Variants in PCLO observed in about 807,000 individuals in gnomAD.
The protein encoded by PCLO is protein piccolo.
PCLO carries 82 observed loss-of-function variants against 427.5 expected under a neutral mutation model. The observed-to-expected ratio is 0.19, with a 90% CI of 0.16 to 0.23. The LOEUF (loss-of-function observed/expected upper bound fraction) is 0.23. PCLO is among the 10% of genes least tolerant of loss of function. PCLO has a pLI of 1.00. For missense variants in PCLO, 6,239 were observed against 6,115.9 expected (o/e 1.02, Z -0.67); for synonymous variants, 2,357 against 2,155.4 (o/e 1.09, Z -2.59).
intron 16 of PCLO, among the ~76,000 whole-genome samples, chr7:82,830,747 T>C (rs554080353): frequency 6.6e-6 from 1 of 152,026 alleles, no homozygotes; most frequent in South Asian, 2.1e-4. Flanking sequence ...TGCAAACCCA[T>C]GTACTATCAC....
intron 6 of PCLO, among the ~76,000 whole-genome samples, chr7:82,923,647 T>A (rs1048531742): frequency 3.3e-5 from 5 of 152,084 alleles, no homozygotes; most frequent in African/African-American, 1.2e-4. Flanking sequence ...TTAATTACAA[T>A]GTTGCACTCC....
intron 3 of PCLO, among the ~76,000 whole-genome samples, chr7:83,096,798 T>A (rs1166833875): frequency 2.0e-5 from 2 of 97,686 alleles, no homozygotes; most frequent in Non-Finnish European, 3.6e-5. Flanking sequence ...TATATAAAAA[T>A]ATATTAATAT....
chr7:82,787,360 T>A (rs1471806095), intron 22 of PCLO, among the ~76,000 whole-genome samples: 1 of 152,210 alleles, frequency 6.6e-6, no homozygotes, highest in Non-Finnish European at 1.5e-5. Context: ...TTTCTTCATG[T>A]GTTTATTGGC....
At chr7:83,035,937 C>T (rs924590484) in intron 3 of PCLO, among the ~76,000 whole-genome samples, 8 of 152,124 alleles carry the variant, frequency 5.3e-5, no homozygotes, top group African/African-American at 1.9e-4. Context: ...CTCTAGCTTG[C>T]TGAAGGCTAT....
chr7:83,115,829 T>C (rs939365280), intron 3 of PCLO, among the ~76,000 whole-genome samples: 1 of 152,056 alleles, frequency 6.6e-6, no homozygotes, highest in Non-Finnish European at 1.5e-5. Flanking sequence ...CACAGTTCTA[T>C]AGATTAATAC....
chr7:83,139,544 T>C (rs1791813283), intron 2 of PCLO, among the ~76,000 whole-genome samples: 1 of 152,202 alleles, frequency 6.6e-6, no homozygotes, highest in African/African-American at 2.4e-5. Context: ...TTTATAAATG[T>C]ACATGGATAT....
At position 83,162,676 on chromosome 7, in the gene PCLO, G is replaced by T. The variant is rs995853860; in HGVS notation, c.-84C>A. On this transcript the variant is annotated 5_prime_UTR_variant, in exon 1 of 25. Coordinates refer to ENST00000333891, the MANE Select transcript of PCLO (RefSeq NM_033026.6). ...GCCCGCGGCCAGGGGAGCAGTCAGA[G>T]CCGGGGTCCGCCTCGGGGCGTGCAG... 2.8e-6 allele frequency: 4 copies of T among 1,444,572 alleles called. No homozygotes were observed. The highest frequency in any genetic ancestry group is 3.6e-6 in the Non-Finnish European group (4 of 1,100,576). 89.5% of individuals were successfully genotyped at this position (1,444,572 alleles called of 1,614,324 possible).
chr7:82,982,487 C>G (rs1366485135), intron 3 of PCLO, among the ~76,000 whole-genome samples: 2 of 152,036 alleles, frequency 1.3e-5, no homozygotes, highest in East Asian at 3.9e-4. Flanking sequence ...ACTGAAACAT[C>G]AGAGAAGGCT....
intron 3 of PCLO, among the ~76,000 whole-genome samples, chr7:83,038,059 ATATATT>A (rs571198791): frequency 0.039 from 1,837 of 47,672 alleles, 206 homozygotes; most frequent in East Asian, 0.15. Flanking sequence ...ATCTTTATAT[ATATATT>A]TATATATTTA....
At chr7:82,810,967 C>CA (rs1305383625) in intron 20 of PCLO, among the ~76,000 whole-genome samples, 2 of 151,614 alleles carry the variant, frequency 1.3e-5, no homozygotes, top group African/African-American at 2.4e-5. Flanking sequence ...TACTAAATTC[C>CA]AAAAAATTAG....
rs777530314 is a variant in PCLO, at chr7:82,955,881, A to G, written c.5072T>C (p.Leu1691Ser). The change falls in exon 5 of 25, where the codon TTG becomes TCG. Residue 1691 changes from leucine (L) to serine (S), a missense_variant. Transcript: ENST00000333891. Reference sequence around the variant, plus strand: ...CAATTCTGGCTCTTCGTCAAAATACAAACTTGTTTTTTTCTGTGATGACTC... The same window carrying G: ...CAATTCTGGCTCTTCGTCAAAATACGAACTTGTTTTTTTCTGTGATGACTC... ...SAESSQKKTSLYFDEEPELEM... is the reference protein window; with the variant it reads ...SAESSQKKTSSYFDEEPELEM... The G allele has an allele frequency of 2.5e-6, 4 of 1,613,888 alleles. No homozygotes were observed. The highest frequency in any genetic ancestry group is 2.2e-5 in the South Asian group (2 of 91,076).
At chr7:82,795,653 T>C (rs572092274) in intron 22 of PCLO, among the ~76,000 whole-genome samples, 31 of 152,316 alleles carry the variant, frequency 2.0e-4, no homozygotes, top group African/African-American at 7.2e-4. Flanking sequence ...TGAATGGTTT[T>C]ACTGCTCTAG....
In PCLO at chr7:83,134,938, A is replaced by T; in HGVS notation, c.2612T>A (p.Met871Lys). ...KMSPKPDAKP[M>K]PKGSPTPPGP... ...AGGGGGTGTTGGTGACCCTTTTGGC[A>T]TTGGCTTGGCATCTGGTTTAGGACT... Residue 871 changes from methionine (M) to lysine (K), a missense_variant, in exon 3 of 25, where the codon ATG (methionine) becomes AAG (lysine). Met to Lys is a moderately conservative substitution (Grantham distance 95, BLOSUM62 -1). Transcript: ENST00000333891. 6.2e-7 allele frequency: 1 copy of T among 1,607,044 alleles called. No homozygotes were observed. The highest frequency in any genetic ancestry group is 8.5e-7 in the Non-Finnish European group (1 of 1,177,032).
At chr7:82,866,694 ACACC>A (rs1168885894) in intron 10 of PCLO, among the ~76,000 whole-genome samples, 2 of 139,530 alleles carry the variant, frequency 1.4e-5, no homozygotes, top group East Asian at 4.1e-4. Flanking sequence ...ACACACACAC[ACACC>A]CCTTTAATAT....
intron 6 of PCLO, among the ~76,000 whole-genome samples, chr7:82,923,578 G>T (rs566897522): frequency 1.3e-5 from 2 of 152,162 alleles, no homozygotes; most frequent in African/African-American, 4.8e-5. Context: ...CAGTATGTTA[G>T]GTAGCAATCA....
In PCLO at chr7:82,915,095, AGAGGAAGGTCTG is replaced by A. The variant is rs781343476; in HGVS notation, c.12879_12890del (p.Arg4294_Ser4297del). 3.6e-4 allele frequency: 575 copies of A among 1,600,658 alleles called. No individual in the cohort carries two copies. The highest frequency in any genetic ancestry group is 4.6e-4 in the Non-Finnish European group (536 of 1,173,020). ...TAATTGATAAATCAAGCCCATAGAC[AGAGGAAGGTCTG>A]GAGGAAGGTCTGGACCTGCTGCCAC... is the stretch of plus-strand genomic sequence containing the variant. On this transcript the variant is annotated inframe_deletion, in exon 7 of 25. Coordinates refer to ENST00000333891, the MANE Select transcript of PCLO (RefSeq NM_033026.6).
intron 20 of PCLO, chr7:82,821,170 G>A (rs566149204): frequency 1.0e-6 from 1 of 1,001,526 alleles, no homozygotes; most frequent in East Asian, 1.0e-4. Context: ...GCTGGCTTTG[G>A]TCTTGGTTGC....
At position 82,761,426 on chromosome 7, in the gene PCLO, T is replaced by C. The variant is rs1790429908; in HGVS notation, c.15075A>G (p.Gln5025=). 6.3e-7 allele frequency: 1 copy of C among 1,579,546 alleles called. No individual in the cohort carries two copies. Among genetic ancestry groups the C allele is most frequent in the Admixed American group, 1.7e-5 (1 of 58,876 alleles). ...LKKEMKTDGE[Q]LIVEILQCRN... is the part of the protein sequence containing the mutation. ...TGCATTGGAGAATTTCAACTATTAG[T>C]TGTTCACCATCTGTCTTCATTTCCT... Residue 5025 remains glutamine, a synonymous_variant, in exon 23 of 25, where the codon CAA becomes CAG. Transcript: ENST00000333891.
At chr7:82,963,875 T>C (rs1250688818) in intron 4 of PCLO, among the ~76,000 whole-genome samples, 1 of 151,960 alleles carries the variant, frequency 6.6e-6, no homozygotes, top group South Asian at 2.1e-4. Flanking sequence ...TATACACATA[T>C]TGAGGTTGTA....
Sources: allele counts gnomAD v4.1 joint callset (sites outside exome capture counted in the v4.1 genomes callset), GRCh38; gene constraint gnomAD v4.1.1; transcripts MANE v1.5; gene names NCBI Gene and HGNC (gene_info 2026-07-23, HGNC 2026-07-21).